The following PCDHA2 variants were observed in gnomAD, a reference collection of about 807,000 sequenced individuals.
PCDHA2 encodes the protein protocadherin alpha 2, also known as protocadherin alpha-2.
A neutral mutation model predicts 66.0 loss-of-function variants in PCDHA2; 58 were observed. The observed-to-expected ratio is 0.88, with a 90% CI of 0.71 to 1.09. The LOEUF is 1.09. Ranked by LOEUF, PCDHA2 falls within the 50% of genes least tolerant of loss-of-function variation. The pLI is 0.00. For synonymous variants in PCDHA2, 634 were observed against 554.0 expected, an observed-to-expected ratio of 1.14 and a Z score of -2.03; for missense variants, 1,267 against 1,242.3, an observed-to-expected ratio of 1.02 and a Z score of -0.30.
In PCDHA2 at chr5:140,942,596, A is replaced by T. The variant is rs116159999; in HGVS notation, c.2389-36353A>T. On this transcript the variant is annotated intron_variant, in intron 1 of 3. Coordinates refer to ENST00000526136, the MANE Select transcript of PCDHA2 (RefSeq NM_018905.3). ...CCCATATAGGATGTCACATATAATT[A>T]TAGTGTTTATATTTGCCAATTGTAA... 7.0e-3 allele frequency among the ~76,000 whole-genome samples: 992 copies of T among 142,408 alleles called. 16 individuals carry two copies. Among genetic ancestry groups the T allele is most frequent in the African/African-American group, 0.025 (912 of 36,952 alleles). 93.4% of individuals were successfully genotyped at this position (142,408 alleles called of 152,430 possible).
chr5:140,878,516 G>C (rs2057626740), intron 1 of PCDHA2, among the ~76,000 whole-genome samples: 1 of 152,122 alleles, frequency 6.6e-6, no homozygotes, highest in African/African-American at 2.4e-5. Context: ...CAGTACAGTT[G>C]GTAACCAACT....
At chr5:140,809,362 G>A in intron 1 of PCDHA2, 1 of 1,614,020 alleles carries the variant, frequency 6.2e-7, no homozygotes, top group Non-Finnish European at 8.5e-7. Context: ...GGTGCTCTGC[G>A]CTGCCCACCG....
At chr5:140,843,290 C>T in intron 1 of PCDHA2, 2 of 1,595,968 alleles carry the variant, frequency 1.3e-6, no homozygotes, top group Non-Finnish European at 1.7e-6. Context: ...TCATGGTGAA[C>T]CTGCGCTGAC....
Position 140,883,565 on chromosome 5 carries a change from C to T in PCDHA2, c.2388+86213C>T, listed in dbSNP as rs139159217. On this transcript the variant is annotated intron_variant, in intron 1 of 3. Transcript: ENST00000526136. ...GGTGACCGCGCGGGACGGGGGCTCG[C>T]CTTCGCTGTGGGCCACGGCCAGCGT... is the stretch of plus-strand genomic sequence containing the variant. 6.5e-5 allele frequency: 105 copies of T among 1,614,180 alleles called. 1 individual carries two copies. In the African/African-American group the frequency reaches 1.3e-3, roughly 20 times the overall value.
chr5:140,992,258 A>G (rs1316409303), intron 3 of PCDHA2, among the ~76,000 whole-genome samples: 1 of 152,168 alleles, frequency 6.6e-6, no homozygotes, highest in African/African-American at 2.4e-5. Flanking sequence ...GCTAAAGATG[A>G]AAGTTCTTTT....
intron 1 of PCDHA2, chr5:140,882,698 G>GA: frequency 6.2e-7 from 1 of 1,614,200 alleles, no homozygotes; most frequent in Non-Finnish European, 8.5e-7. Flanking sequence ...AATCATTGCA[G>GA]AATCTAGACC....
intron 1 of PCDHA2, among the ~76,000 whole-genome samples, chr5:140,911,873 A>G (rs980533422): frequency 7.2e-5 from 11 of 152,038 alleles, no homozygotes; most frequent in African/African-American, 2.7e-4. Flanking sequence ...TTCTGGAACC[A>G]CTCCTGGGAC....
intron 3 of PCDHA2, among the ~76,000 whole-genome samples, chr5:140,987,224 A>AT (rs34154612): frequency 0.031 from 4,713 of 152,034 alleles, 257 homozygotes; most frequent in African/African-American, 0.11. Context: ...AAAAAAAAAA[A>AT]AAATAATAAA....
intron 1 of PCDHA2, among the ~76,000 whole-genome samples, chr5:140,800,297 T>C (rs1762537476): frequency 6.6e-6 from 1 of 152,168 alleles, no homozygotes; most frequent in Non-Finnish European, 1.5e-5. Context: ...GACCGACTTC[T>C]GAAATCTTTA....
At chr5:140,832,540 C>T (rs1195666281) in intron 1 of PCDHA2, among the ~76,000 whole-genome samples, 1 of 152,172 alleles carries the variant, frequency 6.6e-6, no homozygotes, top group African/African-American at 2.4e-5. Context: ...ATTTGTGTAG[C>T]TAATGATATC....
intron 3 of PCDHA2, among the ~76,000 whole-genome samples, chr5:141,005,035 GT>G (rs1272983494): frequency 6.6e-6 from 1 of 152,194 alleles, no homozygotes; most frequent in African/African-American, 2.4e-5. Context: ...TTGCCCATAT[GT>G]GATACCATTT....
intron 1 of PCDHA2, among the ~76,000 whole-genome samples, chr5:140,902,520 T>C (rs1350068201): frequency 6.6e-6 from 1 of 152,116 alleles, no homozygotes; most frequent in Non-Finnish European, 1.5e-5. Context: ...TATATGGTTT[T>C]TATTATGTTG....
chr5:140,868,540 A>T (rs1244659306), intron 1 of PCDHA2: 2 of 152,656 alleles, frequency 1.3e-5, no homozygotes, highest in Admixed American at 6.5e-5. Flanking sequence ...AAACAATTCA[A>T]ATTTGATAGT....
At chr5:140,808,483 G>A (rs1412619146) in intron 1 of PCDHA2, 4 of 1,614,152 alleles carry the variant, frequency 2.5e-6, no homozygotes, top group Non-Finnish European at 3.4e-6. Flanking sequence ...ACGGGGGCTC[G>A]CCTTCGCTGT....
intron 1 of PCDHA2, chr5:140,877,012 A>G: frequency 6.2e-7 from 1 of 1,612,352 alleles, no homozygotes; most frequent in Non-Finnish European, 8.5e-7. Flanking sequence ...GCACGCGGAG[A>G]GCGGCAAGGT....
At chr5:140,937,769 G>C (rs908179495) in intron 1 of PCDHA2, among the ~76,000 whole-genome samples, 1 of 151,776 alleles carries the variant, frequency 6.6e-6, no homozygotes, top group Non-Finnish European at 1.5e-5. Context: ...AAAATTAGTC[G>C]GGCGTGGTGG....
chr5:140,969,238 A>G, intron 1 of PCDHA2: 3 of 1,614,222 alleles, frequency 1.9e-6, no homozygotes, highest in South Asian at 1.1e-5. Flanking sequence ...GAGCCCAAGC[A>G]GCAGTGACTG....
chr5:140,840,467 A>G (rs1269068872), intron 1 of PCDHA2, among the ~76,000 whole-genome samples: 8 of 152,088 alleles, frequency 5.3e-5, no homozygotes, highest in East Asian at 1.9e-4. Flanking sequence ...AAAGTTGGGG[A>G]AAAAAGTTTA....
intron 1 of PCDHA2, among the ~76,000 whole-genome samples, chr5:140,950,426 AC>A (rs386419652): frequency 1.3e-5 from 2 of 151,870 alleles, no homozygotes; most frequent in Admixed American, 6.6e-5. Flanking sequence ...ATTTTCTTCC[AC>A]TTAAAAAAAA....
Sources: allele counts gnomAD v4.1 joint callset (sites outside exome capture counted in the v4.1 genomes callset), GRCh38; gene constraint gnomAD v4.1.1; transcripts MANE v1.5; gene names NCBI Gene and HGNC (gene_info 2026-07-23, HGNC 2026-07-21).